The following FER variants were observed in gnomAD, a reference collection of about 807,000 sequenced individuals.
The protein encoded by FER is FER tyrosine kinase.
Under a neutral mutation model 111.0 loss-of-function variants are expected in FER, and 63 were observed. The ratio of observed to expected loss-of-function variants is 0.57; its 90% confidence interval spans 0.46 to 0.70. FER has a LOEUF of 0.70. Among genes scored for constraint, FER ranks in the 30% least tolerant of loss-of-function variants. The probability of loss-of-function intolerance (pLI) is 0.00; values close to 1 mark genes in which losing one functional copy is unlikely to be tolerated. For synonymous variants in FER, 327 were observed against 313.9 expected (o/e 1.04, Z -0.44); for missense variants, 914 against 954.0 (o/e 0.96, Z 0.55).
chr5:108,981,916 A>C (rs1762051514), intron 13 of FER, among the ~76,000 whole-genome samples: 1 of 152,116 alleles, frequency 6.6e-6, no homozygotes. Flanking sequence ...GTAAGAGTTT[A>C]TTGAATTTTT....
rs1759265485 is a variant in FER, at chr5:109,190,029, G to A, written c.*2454G>A. 6.6e-6 allele frequency: 1 copy of A among 152,144 alleles called. No individual in the cohort carries two copies. Among genetic ancestry groups the A allele is most frequent in the Admixed American group, 6.5e-5 (1 of 15,268 alleles). The allele number at this position is 152,144 out of a possible 1,614,324, so 9.4% of individuals were successfully genotyped here. The stretch of plus-strand genomic sequence containing the variant: ...TTATTGGGAGTCTCTCAGTCATATA[G>A]AATATTAAATTTAATATAGTCACAT... On this transcript the variant is annotated 3_prime_UTR_variant, in exon 20 of 20. Coordinates refer to ENST00000281092, the MANE Select transcript of FER (RefSeq NM_005246.4).
chr5:109,178,413 T>C lies in FER; in HGVS notation c.2049-2334T>C, dbSNP rs574280226. On this transcript the variant is annotated intron_variant, in intron 17 of 19. Coordinates refer to ENST00000281092, the MANE Select transcript of FER (RefSeq NM_005246.4). ...TAAACTGGTGATGCAATGAAGATAGTTATGACAACAGAAGTGTATGTAGCT... is the reference window on the plus strand; with the variant it reads ...TAAACTGGTGATGCAATGAAGATAGCTATGACAACAGAAGTGTATGTAGCT... 9.2e-5 allele frequency among the ~76,000 whole-genome samples: 14 copies of C among 152,292 alleles called. No homozygotes were observed. The South Asian group carries it at 2.7e-3, about 29-fold the overall frequency.
rs1459239385 is a variant in FER, at chr5:109,025,669, T to C, written c.1657-11753T>C. Among the ~76,000 whole-genome samples, 26 of 151,044 alleles carry C rather than the reference T, an allele frequency of 1.7e-4. 1 individual carries two copies. In the East Asian group the frequency reaches 5.1e-3, roughly 29 times the overall value. On this transcript the variant is annotated intron_variant, in intron 13 of 19. Coordinates refer to ENST00000281092, the MANE Select transcript of FER (RefSeq NM_005246.4). Reference sequence around the variant, plus strand: ...CTTCCAACACTATGTTGAATAGGAGTGGTGAGAGAGGGCATCCCTGTCTTG... The same window carrying C: ...CTTCCAACACTATGTTGAATAGGAGCGGTGAGAGAGGGCATCCCTGTCTTG...
At chr5:108,817,490 A>G (rs1159810621) in intron 3 of FER, among the ~76,000 whole-genome samples, 1 of 152,234 alleles carries the variant, frequency 6.6e-6, no homozygotes, top group Admixed American at 6.5e-5. Flanking sequence ...AAATTCAAGC[A>G]AAAAGAAAGC....
At chr5:109,164,073 A>G (rs1167738275) in intron 17 of FER, among the ~76,000 whole-genome samples, 4 of 152,190 alleles carry the variant, frequency 2.6e-5, no homozygotes, top group Non-Finnish European at 5.9e-5. Context: ...TTTAAAAATA[A>G]TGTTTGAGAT....
chr5:109,016,774 A>T (rs72790530), intron 13 of FER, among the ~76,000 whole-genome samples: 17,852 of 152,086 alleles, frequency 0.12, 1,111 homozygotes, highest in Non-Finnish European at 0.14. Flanking sequence ...ATTATGTGCT[A>T]TGCACAGAAT....
At chr5:109,097,514 A>C (rs958221002) in intron 16 of FER, among the ~76,000 whole-genome samples, 2 of 151,950 alleles carry the variant, frequency 1.3e-5, no homozygotes, top group African/African-American at 4.8e-5. Flanking sequence ...TGCTGCATGT[A>C]TGAATATTGC....
Position 108,985,683 on chromosome 5 carries a change from C to T in FER, c.1656+26336C>T, listed in dbSNP as rs573101457. Among the ~76,000 whole-genome samples the T allele has an allele frequency of 4.9e-4, 75 of 152,234 alleles. 1 individual carries two copies. Among genetic ancestry groups the T allele is most frequent in the African/African-American group, 5.3e-4 (22 of 41,538 alleles). On this transcript the variant is annotated intron_variant, in intron 13 of 19. Coordinates refer to ENST00000281092, the MANE Select transcript of FER (RefSeq NM_005246.4). ...GCTCCCACTCATGAGTGAGAACATACGATGTTTGGTTTTTCATTCCTCTGT... is the reference window on the plus strand; with the variant it reads ...GCTCCCACTCATGAGTGAGAACATATGATGTTTGGTTTTTCATTCCTCTGT...
At chr5:109,130,017 C>G (rs1339209603) in intron 17 of FER, among the ~76,000 whole-genome samples, 2 of 138,998 alleles carry the variant, frequency 1.4e-5, no homozygotes, top group South Asian at 2.5e-4. Flanking sequence ...CATATTTATA[C>G]ATGAATAGTT....
intron 17 of FER, among the ~76,000 whole-genome samples, chr5:109,125,578 C>CATAAGTGCTA (rs1269303227): frequency 6.6e-6 from 1 of 152,164 alleles, no homozygotes; most frequent in Non-Finnish European, 1.5e-5. Context: ...AATAATAGCA[C>CATAAGTGCTA]TTATAGAAGA....
chr5:108,887,926 A>T (rs529011414), intron 9 of FER, among the ~76,000 whole-genome samples: 5 of 151,988 alleles, frequency 3.3e-5, no homozygotes, highest in African/African-American at 1.2e-4. Flanking sequence ...TACAAAAAGT[A>T]AATGATTATT....
intron 18 of FER, among the ~76,000 whole-genome samples, chr5:109,183,033 G>T (rs1416908999): frequency 6.6e-6 from 1 of 151,976 alleles, no homozygotes; most frequent in East Asian, 1.9e-4. Flanking sequence ...CTAGAGTGAG[G>T]GACTTTTTTA....
At chr5:109,076,771 G>T (rs10056169) in intron 16 of FER, among the ~76,000 whole-genome samples, 3 of 152,030 alleles carry the variant, frequency 2.0e-5, no homozygotes, top group African/African-American at 7.3e-5. Context: ...GTCTGGGTTA[G>T]GTTCCCTGTA....
chr5:108,798,494 G>A (rs1310452483), intron 3 of FER, 105 bp downstream of exon 3: 6 of 879,452 alleles, frequency 6.8e-6, no homozygotes, highest in East Asian at 2.6e-5. Flanking sequence ...GCATTCTAAA[G>A]CAGTGATTCC....
chr5:109,007,112 T>A (rs1765597139), intron 13 of FER, among the ~76,000 whole-genome samples: 1 of 152,210 alleles, frequency 6.6e-6, no homozygotes, highest in African/African-American at 2.4e-5. Context: ...TTATTTATGA[T>A]TTAAAAAGTT....
At chr5:109,015,277 T>G (rs1766922933) in intron 13 of FER, among the ~76,000 whole-genome samples, 1 of 152,136 alleles carries the variant, frequency 6.6e-6, no homozygotes, top group Non-Finnish European at 1.5e-5. Flanking sequence ...AACTGCTGTA[T>G]CGGTTTCTTT....
At chr5:109,185,403 A>T (rs1758749166) in intron 18 of FER, among the ~76,000 whole-genome samples, 1 of 152,254 alleles carries the variant, frequency 6.6e-6, no homozygotes, top group African/African-American at 2.4e-5. Flanking sequence ...GAACATCTGT[A>T]AACAGCAATG....
chr5:108,933,610 G>C (rs1042388492), intron 10 of FER, among the ~76,000 whole-genome samples: 30 of 152,018 alleles, frequency 2.0e-4, no homozygotes, highest in African/African-American at 7.0e-4. Context: ...ATTTAAACTA[G>C]TTTTTTTTCT....
In FER at chr5:109,125,493, T is replaced by C. The variant is rs545068170; in HGVS notation, c.2048+24974T>C. Among the ~76,000 whole-genome samples, 4 of 152,352 alleles carry C rather than the reference T, an allele frequency of 2.6e-5. No homozygotes were observed. The South Asian group carries it at 8.3e-4, about 32-fold the overall frequency. The stretch of plus-strand genomic sequence containing the variant: ...ACTGTCTCTTCCTACTGCAGTCATA[T>C]TTTTAAAATAATACAATTTCAGACC... On this transcript the variant is annotated intron_variant, in intron 17 of 19. Coordinates refer to ENST00000281092, the MANE Select transcript of FER (RefSeq NM_005246.4).
Sources: gnomAD v4.1 joint callset for allele counts (sites outside exome capture counted in the v4.1 genomes callset) on GRCh38, gnomAD v4.1.1 for gene constraint, MANE v1.5 for transcripts, NCBI Gene and HGNC (gene_info 2026-07-23, HGNC 2026-07-21) for gene names.